Variants in CACNA1C observed in about 807,000 individuals in gnomAD.
The protein encoded by CACNA1C is calcium voltage-gated channel subunit alpha1 C, also known as voltage-dependent L-type calcium channel subunit alpha-1C.
In CACNA1C, 30 loss-of-function variants were observed where a neutral mutation model predicts 229.0. That is an observed-to-expected ratio of 0.13 (90% CI 0.10 to 0.18). CACNA1C has a LOEUF of 0.18. Ranked by LOEUF, CACNA1C falls within the 10% of genes least tolerant of loss-of-function variation. CACNA1C has a pLI of 1.00. For synonymous variants in CACNA1C, 1,114 were observed against 1,132.5 expected (o/e 0.98, Z 0.33); for missense variants, 1,658 against 2,845.0 (o/e 0.58, Z 9.49).
chr12:2,052,747 C>A (rs899499765), upstream of CACNA1C, among the ~76,000 whole-genome samples: 4 of 145,778 alleles, frequency 2.7e-5, no homozygotes, highest in Non-Finnish European at 4.6e-5. Flanking sequence ...GCGGAGGGCT[C>A]GCTCGGGCGG....
intron 3 of CACNA1C, among the ~76,000 whole-genome samples, chr12:2,210,849 A>G (rs1386830063): frequency 6.6e-6 from 1 of 152,204 alleles, no homozygotes; most frequent in Non-Finnish European, 1.5e-5. Flanking sequence ...AGCTAGGTGC[A>G]GTATCATCTC....
chr12:2,394,542 C>T (rs1442570945), intron 3 of CACNA1C, among the ~76,000 whole-genome samples: 1 of 152,140 alleles, frequency 6.6e-6, no homozygotes, highest in Non-Finnish European at 1.5e-5. Context: ...ACGATGTCAT[C>T]GCATTTACTG....
intron 1 of CACNA1C, among the ~76,000 whole-genome samples, chr12:2,068,738 C>T (rs1368871267): frequency 6.6e-6 from 1 of 152,212 alleles, no homozygotes; most frequent in Non-Finnish European, 1.5e-5. Context: ...CCTGTGGCCA[C>T]CATCTCACCC....
At chr12:2,301,992 A>G (rs1309375183) in intron 3 of CACNA1C, among the ~76,000 whole-genome samples, 1 of 152,224 alleles carries the variant, frequency 6.6e-6, no homozygotes, top group Non-Finnish European at 1.5e-5. Flanking sequence ...CTGGTTCAGT[A>G]ATCTTACAAA....
chr12:2,545,639 A>G (rs1281655569), intron 9 of CACNA1C, among the ~76,000 whole-genome samples: 1 of 152,260 alleles, frequency 6.6e-6, no homozygotes, highest in Non-Finnish European at 1.5e-5. Context: ...ACAAAAAAAT[A>G]AAGTGAGAAA....
chr12:2,302,927 C>T (rs2094686929), intron 3 of CACNA1C, among the ~76,000 whole-genome samples: 1 of 152,210 alleles, frequency 6.6e-6, no homozygotes, highest in Non-Finnish European at 1.5e-5. Flanking sequence ...GGGCTTGCTG[C>T]CTTGGCCATG....
chr12:2,664,930 C>G lies in CACNA1C; in HGVS notation c.4338C>G (p.Pro1446=). 2 of 1,614,138 alleles carry G rather than the reference C, an allele frequency of 1.2e-6. No individual in the cohort carries two copies. Among genetic ancestry groups the G allele is most frequent in the Non-Finnish European group, 1.7e-6 (2 of 1,179,966 alleles). The part of the protein sequence containing the change: ...EPSNSTEGET[P]CGSSFAVFYF... The stretch of plus-strand genomic sequence containing the variant: ...GCAACAGCACGGAGGGTGAAACACC[C>G]TGTGGTAGCAGCTTTGCTGTCTTCT... Residue 1446 remains proline, a synonymous_variant, in exon 35 of 47, where the codon CCC becomes CCG. Coordinates refer to ENST00000399655, the MANE Select transcript of CACNA1C (RefSeq NM_000719.7).
intron 1 of CACNA1C, among the ~76,000 whole-genome samples, chr12:2,093,432 G>A (rs2238024): frequency 0.052 from 7,902 of 152,310 alleles, 621 homozygotes; most frequent in African/African-American, 0.16. Flanking sequence ...TGGAGCAGGA[G>A]GAGAAGTTAC....
Position 2,356,370 on chromosome 12 carries a change from TG to T in CACNA1C, c.478-92604del, listed in dbSNP as rs1165382800. On this transcript the variant is annotated intron_variant, in intron 3 of 46. Transcript: ENST00000399655. ...GCCCCAACTGTCTGTTGAGGAAGGTTGGAAAAGTGCAGGACTGTCCAGAGTC... is the reference window on the plus strand; with the variant it reads ...GCCCCAACTGTCTGTTGAGGAAGGTTGAAAAGTGCAGGACTGTCCAGAGTC... 2.0e-5 allele frequency among the ~76,000 whole-genome samples: 3 copies of T among 152,316 alleles called. No individual in the cohort carries two copies. The East Asian group carries it at 5.8e-4, about 29-fold the overall frequency.
chr12:2,199,824 G>A (rs775629056), intron 3 of CACNA1C, among the ~76,000 whole-genome samples: 3 of 152,146 alleles, frequency 2.0e-5, no homozygotes, highest in Non-Finnish European at 4.4e-5. Flanking sequence ...GAAGGCTGCC[G>A]TGAGGCAGGA....
Position 2,605,029 on chromosome 12 carries a change from C to G in CACNA1C, c.2961-52C>G. On this transcript the variant is annotated intron_variant, in intron 22 of 46. Coordinates refer to ENST00000399655, the MANE Select transcript of CACNA1C (RefSeq NM_000719.7). This position sits in a 1 kb window ranked among gnomAD's most constrained non-coding sequence, Gnocchi z 6.2. ...ACATTCCCTTACCACATTATTTTTG[C>G]TCCCCCCAGAAACAGGAGGAGCTTA... 2.2e-6 allele frequency: 3 copies of G among 1,333,856 alleles called. No individual in the cohort carries two copies. The highest frequency in any genetic ancestry group is 3.2e-6 in the Non-Finnish European group (3 of 924,938). The allele number at this position is 1,333,856 out of a possible 1,614,324, so 82.6% of individuals were successfully genotyped here. A position where few individuals can be genotyped will look rare whatever the true frequency, so the allele number is the denominator to read the frequency against.
rs1603457730 is a variant in CACNA1C at position 2,682,733 on chromosome 12, G to C, written c.5573+55G>C. ...ACCCAAGTGTGGGAACAAATGTGGG[G>C]AGGCAGAGGCAGGTCCCTGAGATCC... is the stretch of plus-strand genomic sequence containing the variant. On this transcript the variant is annotated intron_variant, in intron 43 of 46. Transcript: ENST00000399655. The C allele has an allele frequency of 5.1e-6, 8 of 1,564,704 alleles. No individual in the cohort carries two copies. In the East Asian group the frequency reaches 1.4e-4, roughly 27 times the overall value.
At chr12:2,471,283 A>G (rs1177106876) in intron 5 of CACNA1C, among the ~76,000 whole-genome samples, 1 of 152,182 alleles carries the variant, frequency 6.6e-6, no homozygotes, top group Non-Finnish European at 1.5e-5. Context: ...TATGTCTTCT[A>G]TTTACACATA....
chr12:2,223,166 A>G (rs1257811846), intron 3 of CACNA1C, among the ~76,000 whole-genome samples: 1 of 152,232 alleles, frequency 6.6e-6, no homozygotes, highest in African/African-American at 2.4e-5. Context: ...TGTTGTCTGC[A>G]TCGGAATGTC....
chr12:2,431,811 T>C (rs1486129045), intron 3 of CACNA1C, among the ~76,000 whole-genome samples: 1 of 152,178 alleles, frequency 6.6e-6, no homozygotes, highest in Middle Eastern at 3.2e-3. Flanking sequence ...CAGCTGCCAT[T>C]GCATTGCTCT....
chr12:2,641,457 T>A, intron 30 of CACNA1C: 2 of 507,226 alleles, frequency 3.9e-6, no homozygotes, highest in Non-Finnish European at 7.1e-6. Flanking sequence ...TCAAGTTCCG[T>A]GGTCTCAGGA....
Position 2,115,269 on chromosome 12 carries a change from C to G in CACNA1C, c.95C>G (p.Ala32Gly). The change falls in exon 2 of 47, where the codon GCC (alanine) becomes GGC (glycine). Residue 32 changes from alanine (A) to glycine (G), a missense_variant. Physicochemically the swap from Ala to Gly is moderately conservative, Grantham distance 60. This residue lies in a region of CACNA1C where 111 missense variants were observed against 128.0 expected (regional missense o/e 0.87). Coordinates refer to ENST00000399655, the MANE Select transcript of CACNA1C (RefSeq NM_000719.7). ...SPRPAHANMN[A>G]NAAAGLAPEH... Reference sequence around the variant, plus strand: ...CGCCCCGCCCATGCCAACATGAATGCCAATGCGGCAGCGGGGCTGGCCCCT... The same window carrying G: ...CGCCCCGCCCATGCCAACATGAATGGCAATGCGGCAGCGGGGCTGGCCCCT... 6.3e-7 allele frequency: 1 copy of G among 1,591,926 alleles called. No homozygotes were observed. The highest frequency in any genetic ancestry group is 8.6e-7 in the Non-Finnish European group (1 of 1,168,656).
intron 3 of CACNA1C, among the ~76,000 whole-genome samples, chr12:2,336,768 G>A (rs2096709112): frequency 1.3e-5 from 2 of 152,146 alleles, no homozygotes; most frequent in South Asian, 4.2e-4. Flanking sequence ...AGGCATCTGG[G>A]CGGAGGTTTC....
At position 2,688,540 on chromosome 12, in the gene CACNA1C, G is replaced by A; in HGVS notation, c.5878G>A (p.Gly1960Ser). ...TTTTGCCACCCCACCAGCCACACCT[G>A]GCAGCCGAGGCTGGCCCCCACAGCC... is the stretch of plus-strand genomic sequence containing the variant. ...RPFATPPATP[G>S]SRGWPPQPVP... Residue 1960 changes from glycine to serine, a missense_variant, in exon 46 of 47, where the codon GGC becomes AGC. Gly to Ser is a moderately conservative substitution (Grantham distance 56). Transcript: ENST00000399655. 1 of 1,613,996 alleles carries A rather than the reference G, an allele frequency of 6.2e-7. No individual in the cohort carries two copies. Among genetic ancestry groups the A allele is most frequent in the Non-Finnish European group, 8.5e-7 (1 of 1,179,882 alleles).
Sources: gnomAD v4.1 joint callset for allele counts (sites outside exome capture counted in the v4.1 genomes callset) on GRCh38, gnomAD v4.1.1 for gene constraint, gnomAD v4.1.1 regional missense constraint, Gnocchi (gnomAD v3.1) non-coding constraint, MANE v1.5 for transcripts, NCBI Gene and HGNC (gene_info 2026-07-23, HGNC 2026-07-21) for gene names.